The following BTBD10 variants were observed in gnomAD, a reference collection of about 807,000 sequenced individuals.
BTBD10 encodes BTB domain containing 10, also known as BTB/POZ domain-containing protein 10.
BTBD10 carries 21 observed loss-of-function variants against 53.2 expected under a neutral mutation model. The ratio of observed to expected loss-of-function variants is 0.39; its 90% CI spans 0.28 to 0.57. BTBD10 has a LOEUF of 0.57. BTBD10 is among the 20% of genes least tolerant of loss of function. BTBD10 has a pLI of 0.53. For missense variants in BTBD10, 360 were observed against 594.7 expected (o/e 0.61, Z 4.10); for synonymous variants, 149 against 192.7 (o/e 0.77, Z 1.88).
At chr11:13,429,847 T>TAATCCCAGC (rs976662073) in intron 2 of BTBD10, among the ~76,000 whole-genome samples, 5 of 152,222 alleles carry the variant, frequency 3.3e-5, no homozygotes, top group African/African-American at 1.2e-4. Context: ...TTCAAGCCTG[T>TAATCCCAGC]AATCCCAGCA....
intron 1 of BTBD10, among the ~76,000 whole-genome samples, chr11:13,459,509 C>G (rs1298295347): frequency 1.2e-4 from 19 of 152,126 alleles, no homozygotes; most frequent in Non-Finnish European, 2.4e-4. Flanking sequence ...AGTTCTTTCT[C>G]CATTAACAGG....
At position 13,425,906 on chromosome 11, in the gene BTBD10, C is replaced by T. The variant is rs868293332; in HGVS notation, c.102-4068G>A. Among the ~76,000 whole-genome samples the T allele has an allele frequency of 3.3e-5, 5 of 151,462 alleles. No individual in the cohort carries two copies. In the South Asian group the frequency reaches 8.3e-4, roughly 25 times the overall value. ...ATAACTTTAAAAAAGAAAAGCACAC[C>T]GAATGGAATTAATGGGAGATTACAC... On this transcript the variant is annotated intron_variant, in intron 2 of 8. Transcript: ENST00000278174.
intron 2 of BTBD10, among the ~76,000 whole-genome samples, chr11:13,426,806 G>T (rs192894690): frequency 1.8e-3 from 267 of 152,246 alleles, no homozygotes; most frequent in Non-Finnish European, 3.2e-3. Flanking sequence ...AAAAGGGGTT[G>T]GGAGGAAGAA....
Position 13,419,448 on chromosome 11 carries a change from A to T in BTBD10, c.584+12T>A. The T allele has an allele frequency of 6.2e-7, 1 of 1,603,056 alleles. No homozygotes were observed. The highest frequency in any genetic ancestry group is 1.1e-5 in the South Asian group (1 of 88,978). On this transcript the variant is annotated intron_variant, in intron 4 of 8. Transcript: ENST00000278174. ...TATAATTAGTAATGCAAATAACTGC[A>T]ATAATACAAACCTGCCCAACATTGT...
intron 7 of BTBD10, among the ~76,000 whole-genome samples, chr11:13,403,773 C>T (rs1425967982): frequency 2.6e-5 from 4 of 152,148 alleles, no homozygotes; most frequent in Non-Finnish European, 4.4e-5. Context: ...GGCAAAGACC[C>T]TCCCCACAAA....
At chr11:13,457,398 T>C (rs1431087765) in intron 1 of BTBD10, among the ~76,000 whole-genome samples, 1 of 152,138 alleles carries the variant, frequency 6.6e-6, no homozygotes, top group Non-Finnish European at 1.5e-5. Context: ...AGGAGTTAAC[T>C]GAATAAACTA....
chr11:13,394,463 T>C (rs1319162462), intron 8 of BTBD10, among the ~76,000 whole-genome samples: 1 of 152,226 alleles, frequency 6.6e-6, no homozygotes, highest in African/African-American at 2.4e-5. Context: ...CCAGTCATGC[T>C]TCCTGTTAAG....
At chr11:13,405,105 A>C (rs1949790944) in intron 7 of BTBD10, among the ~76,000 whole-genome samples, 1 of 152,184 alleles carries the variant, frequency 6.6e-6, no homozygotes, top group Non-Finnish European at 1.5e-5. Flanking sequence ...ATTGTTGCTC[A>C]AGATAGGCCA....
intron 2 of BTBD10, among the ~76,000 whole-genome samples, chr11:13,437,581 C>A (rs142734031): frequency 7.9e-5 from 12 of 152,246 alleles, no homozygotes; most frequent in Non-Finnish European, 1.6e-4. Context: ...ATTGTTCCCC[C>A]ACTTTACTCT....
intron 8 of BTBD10, among the ~76,000 whole-genome samples, chr11:13,400,868 C>G (rs964966135): frequency 1.3e-5 from 2 of 152,136 alleles, no homozygotes; most frequent in African/African-American, 4.8e-5. Context: ...CTGGCCCAGA[C>G]TCTTCAATAG....
Position 13,388,877 on chromosome 11 carries a change from G to A in BTBD10, c.1382C>T (p.Ser461Phe). The A allele has an allele frequency of 6.2e-7, 1 of 1,614,118 alleles. No homozygotes were observed. Among genetic ancestry groups the A allele is most frequent in the Non-Finnish European group, 8.5e-7 (1 of 1,179,962 alleles). Residue 461 changes from serine to phenylalanine, a missense_variant, in exon 9 of 9, where the codon TCT becomes TTT. Ser to Phe is a radical substitution (Grantham distance 155, BLOSUM62 -2). This residue lies in a region of BTBD10 where 25 missense variants were observed against 24.9 expected (regional missense o/e 1.00). Transcript: ENST00000278174. ...ELDILPIHPP[S>F]GNSDLDPDAQ... is the part of the protein sequence containing the mutation. ...ATCAGGATCGAGGTCACTGTTGCCAGAAGGGGGATGGATAGGGAGAATATC... is the reference window on the plus strand; with the variant it reads ...ATCAGGATCGAGGTCACTGTTGCCAAAAGGGGGATGGATAGGGAGAATATC...
chr11:13,389,247 A>C (rs1949342819), intron 8 of BTBD10, 106 bp from the exon 9 acceptor site: 2 of 922,290 alleles, frequency 2.2e-6, no homozygotes, highest in Admixed American at 5.4e-5. Flanking sequence ...AACAAATTTA[A>C]AACAAAGAAG....
chr11:13,461,930 C>CTT (rs564388278), intron 1 of BTBD10, among the ~76,000 whole-genome samples: 3,808 of 135,978 alleles, frequency 0.028, 105 homozygotes, highest in African/African-American at 0.07. Flanking sequence ...TCTTCTCACA[C>CTT]TTTTTTTTTT....
chr11:13,416,235 T>C (rs1409096070), intron 5 of BTBD10, among the ~76,000 whole-genome samples: 3 of 151,676 alleles, frequency 2.0e-5, no homozygotes, highest in Non-Finnish European at 4.4e-5. Flanking sequence ...ACACCTATGG[T>C]CCCAGCTACT....
chr11:13,457,217 AC>A (rs1379467484), intron 1 of BTBD10, among the ~76,000 whole-genome samples: 1 of 152,040 alleles, frequency 6.6e-6, no homozygotes, highest in African/African-American at 2.4e-5. Context: ...AGATTATATA[AC>A]CCTGGTAGAA....
chr11:13,406,641 T>C (rs200120149), intron 6 of BTBD10, among the ~76,000 whole-genome samples: 10 of 85,564 alleles, frequency 1.2e-4, no homozygotes, highest in Non-Finnish European at 5.3e-5. Context: ...GTGTGTGTGT[T>C]TGTGTGTGTG....
rs181119111 is a variant in BTBD10 at position 13,395,879 on chromosome 11, T to C, written c.1118-6738A>G. Among the ~76,000 whole-genome samples, 795 of 152,330 alleles carry C rather than the reference T, an allele frequency of 5.2e-3. 9 individuals carry two copies. The highest frequency in any genetic ancestry group is 0.018 in the African/African-American group (735 of 41,562). Reference sequence around the variant, plus strand: ...TGCGGCGTTATTTCTGAGGGCTCTGTTCTGTTCCATTGGTCTGTATCTCTG... The same window carrying C: ...TGCGGCGTTATTTCTGAGGGCTCTGCTCTGTTCCATTGGTCTGTATCTCTG... On this transcript the variant is annotated intron_variant, in intron 8 of 8. Transcript: ENST00000278174.
chr11:13,419,446 G>C lies in BTBD10; in HGVS notation c.584+14C>G, dbSNP rs1338741157. 1 of 1,600,492 alleles carries C rather than the reference G, an allele frequency of 6.2e-7. No homozygotes were observed. Among genetic ancestry groups the C allele is most frequent in the Non-Finnish European group, 8.5e-7 (1 of 1,175,904 alleles). On this transcript the variant is annotated intron_variant, in intron 4 of 8. Transcript: ENST00000278174. ...ATTATAATTAGTAATGCAAATAACT[G>C]CAATAATACAAACCTGCCCAACATT...
intron 3 of BTBD10, among the ~76,000 whole-genome samples, chr11:13,420,256 A>G (rs1950217381): frequency 6.6e-6 from 1 of 152,130 alleles, no homozygotes; most frequent in Non-Finnish European, 1.5e-5. Context: ...TTATCTCAAA[A>G]AAAGAAGGTC....
Sources: allele counts gnomAD v4.1 joint callset (sites outside exome capture counted in the v4.1 genomes callset), GRCh38; gene constraint gnomAD v4.1.1; regional missense constraint gnomAD v4.1.1; transcripts MANE v1.5; gene names NCBI Gene and HGNC (gene_info 2026-07-23, HGNC 2026-07-21).